COL6A6: variants seen among roughly 807,000 people sequenced by gnomAD.
The protein encoded by COL6A6 is collagen alpha-6(VI) chain.
Under a neutral mutation model 208.6 loss-of-function variants are expected in COL6A6, and 183 were observed. The ratio of observed to expected loss-of-function variants is 0.88; its 90% confidence interval spans 0.78 to 0.99. COL6A6 has a LOEUF of 0.99. Among genes scored for constraint, COL6A6 ranks in the 50% least tolerant of loss-of-function variants. The pLI is 0.00. For synonymous variants in COL6A6, 973 were observed against 1,011.8 expected (o/e 0.96, Z 0.73); for missense variants, 2,816 against 2,815.2 (o/e 1.00, Z -0.01).
At chr3:130,568,668 T>C in intron 6 of COL6A6, 64 bp downstream of exon 6, 1 of 1,370,186 alleles carries the variant, frequency 7.3e-7, no homozygotes, top group East Asian at 2.3e-5. Context: ...TAGCCTCTAT[T>C]TCTTGAATTT....
chr3:130,585,279 T>A (rs1434069955), intron 10 of COL6A6, among the ~76,000 whole-genome samples: 1 of 152,228 alleles, frequency 6.6e-6, no homozygotes, highest in Non-Finnish European at 1.5e-5. Context: ...GAATATCCTT[T>A]GAATGTAGGC....
At chr3:130,612,419 C>T (rs2064386678) in intron 23 of COL6A6, among the ~76,000 whole-genome samples, 1 of 152,174 alleles carries the variant, frequency 6.6e-6, no homozygotes, top group South Asian at 2.1e-4. Context: ...GTTCTCTTTT[C>T]TCTACAACCT....
chr3:130,598,260 G>T, intron 18 of COL6A6, 105 bp from the exon 19 acceptor site: 1 of 709,818 alleles, frequency 1.4e-6, no homozygotes, highest in Non-Finnish European at 2.4e-6. Flanking sequence ...CAAATGGGTT[G>T]GAATTGTCAA....
At position 130,599,134 on chromosome 3, in the gene COL6A6, G is replaced by A. The variant is rs116780351; in HGVS notation, c.4600-623G>A. ...TCTTATCTGTAAAATAGGGTGAATA[G>A]CCTATTTTAGAAGGTCATGATGGGA... On this transcript the variant is annotated intron_variant, in intron 19 of 36. Coordinates refer to ENST00000358511, the MANE Select transcript of COL6A6 (RefSeq NM_001102608.3). Among the ~76,000 whole-genome samples, 1,434 of 152,190 alleles carry A rather than the reference G, an allele frequency of 9.4e-3. 32 individuals are homozygous for A. The highest frequency in any genetic ancestry group is 0.032 in the African/African-American group (1,343 of 41,504).
At chr3:130,584,326 AC>A (rs2063487805) in intron 10 of COL6A6, among the ~76,000 whole-genome samples, 1 of 152,188 alleles carries the variant, frequency 6.6e-6, no homozygotes, top group African/African-American at 2.4e-5. Context: ...AAATCAGATG[AC>A]AGAAGGTTTC....
chr3:130,656,063 C>A (rs1332684043), intron 33 of COL6A6, among the ~76,000 whole-genome samples: 1 of 152,258 alleles, frequency 6.6e-6, no homozygotes, highest in Non-Finnish European at 1.5e-5. Flanking sequence ...ATGCCAGGAA[C>A]TGCAGACCCC....
rs750279325 is a variant in COL6A6, at chr3:130,649,197, C to A, written c.5368C>A (p.Arg1790=). The change falls in exon 33 of 37, where the codon CGG becomes AGG. Residue 1790 remains arginine, a synonymous_variant. Coordinates refer to ENST00000358511, the MANE Select transcript of COL6A6 (RefSeq NM_001102608.3). ...MAFLVRDIKV[R]ENSCPVGAHI... The stretch of plus-strand genomic sequence containing the variant: ...TTTCCTGGTGAGAGACATTAAGGTC[C>A]GGGAGAACAGCTGCCCCGTGGGAGC... 6.3e-7 allele frequency: 1 copy of A among 1,593,824 alleles called. No individual in the cohort carries two copies. The highest frequency in any genetic ancestry group is 1.1e-5 in the South Asian group (1 of 87,504).
chr3:130,540,673 A>G (rs2062341962), intron 1 of COL6A6, among the ~76,000 whole-genome samples: 1 of 151,834 alleles, frequency 6.6e-6, no homozygotes, highest in African/African-American at 2.4e-5. Context: ...CCCTCCCTCA[A>G]CAGGCTCCAT....
At chr3:130,525,472 C>T (rs1253243518) in intron 1 of COL6A6, among the ~76,000 whole-genome samples, 1 of 152,182 alleles carries the variant, frequency 6.6e-6, no homozygotes, top group Non-Finnish European at 1.5e-5. Context: ...AGTCCATTCT[C>T]CTTTTTTTGC....
At chr3:130,569,207 T>C (rs961788762) in intron 6 of COL6A6, among the ~76,000 whole-genome samples, 1 of 152,224 alleles carries the variant, frequency 6.6e-6, no homozygotes, top group Non-Finnish European at 1.5e-5. Context: ...TTTTGCAATT[T>C]CTAAAGACCA....
chr3:130,591,443 A>G lies in COL6A6; in HGVS notation c.4272+349A>G, dbSNP rs563172289. Among the ~76,000 whole-genome samples, 17 of 152,312 alleles carry G rather than the reference A, an allele frequency of 1.1e-4. No individual in the cohort carries two copies. In the South Asian group the frequency reaches 3.3e-3, roughly 30 times the overall value. On this transcript the variant is annotated intron_variant, in intron 13 of 36. Transcript: ENST00000358511. The stretch of plus-strand genomic sequence containing the variant: ...TATCAAGGACCCCACTCTTTCTTGC[A>G]TTCATTCATCCTTCCTTCCTCCCAT...
chr3:130,565,396 T>C lies in COL6A6; in HGVS notation c.1064T>C (p.Leu355Pro). The C allele has an allele frequency of 6.2e-7, 1 of 1,613,412 alleles. No individual in the cohort carries two copies. Among genetic ancestry groups the C allele is most frequent in the Non-Finnish European group, 8.5e-7 (1 of 1,179,792 alleles). ...AACGTGACAAAAGCAGCTGTTAACC[T>C]CCGACGGGAGGGTGTGACCATCTTC... Reference protein sequence around the residue: ...EDNVTKAAVNLRREGVTIFTL... With the variant: ...EDNVTKAAVNPRREGVTIFTL... Residue 355 changes from leucine (L) to proline (P), a missense_variant, in exon 4 of 37, where the codon CTC (leucine) becomes CCC (proline). Coordinates refer to ENST00000358511, the MANE Select transcript of COL6A6 (RefSeq NM_001102608.3).
intron 18 of COL6A6, 57 bp downstream of exon 18, chr3:130,594,400 T>C (rs1420100312): frequency 2.2e-6 from 3 of 1,345,822 alleles, no homozygotes; most frequent in Admixed American, 1.9e-5. Flanking sequence ...GTACTTCTGA[T>C]AGGGAGTCTC....
At chr3:130,657,879 C>T (rs1212443024) in intron 33 of COL6A6, among the ~76,000 whole-genome samples, 2 of 152,200 alleles carry the variant, frequency 1.3e-5, no homozygotes, top group Non-Finnish European at 2.9e-5. Context: ...TGACTCATCT[C>T]TTAGGCATTA....
At chr3:130,653,692 G>T (rs944740811) in intron 33 of COL6A6, among the ~76,000 whole-genome samples, 2 of 152,172 alleles carry the variant, frequency 1.3e-5, no homozygotes, top group South Asian at 4.1e-4. Flanking sequence ...CCCACATTCA[G>T]TTTAAGGAAT....
At chr3:130,538,240 C>T (rs1278011136) in intron 1 of COL6A6, among the ~76,000 whole-genome samples, 2 of 152,138 alleles carry the variant, frequency 1.3e-5, no homozygotes, top group African/African-American at 4.8e-5. Flanking sequence ...CAGGGGTACT[C>T]TCAGGGTTCA....
intron 11 of COL6A6, among the ~76,000 whole-genome samples, 173 bp from the exon 12 acceptor site, chr3:130,588,917 C>CAAAAAA (rs58377635): frequency 2.9e-5 from 2 of 68,266 alleles, no homozygotes; most frequent in African/African-American, 4.4e-5. Context: ...AAGATGGAAG[C>CAAAAAA]AAAAAAAAAA....
intron 34 of COL6A6, among the ~76,000 whole-genome samples, chr3:130,659,936 CCTTCT>C (rs1374645749): frequency 2.6e-5 from 4 of 152,212 alleles, no homozygotes; most frequent in African/African-American, 9.6e-5. Context: ...CTTTCCCTCT[CCTTCT>C]CTTGACTGCA....
At chr3:130,610,602 A>G (rs1453135863) in intron 22 of COL6A6, 47 bp from the exon 23 acceptor site, 12 of 1,330,406 alleles carry the variant, frequency 9.0e-6, no homozygotes, top group Middle Eastern at 1.8e-4. Flanking sequence ...TTAATATTCA[A>G]TGTTCTCTTT....
Sources: allele counts gnomAD v4.1 joint callset (sites outside exome capture counted in the v4.1 genomes callset), GRCh38; gene constraint gnomAD v4.1.1; transcripts MANE v1.5; gene names NCBI Gene and HGNC (gene_info 2026-07-23, HGNC 2026-07-21).